The following KCTD20 variants were observed in gnomAD, a reference collection of about 807,000 sequenced individuals.
KCTD20 encodes the protein potassium channel tetramerization domain containing 20.
KCTD20 carries 30 observed loss-of-function variants against 39.6 expected under a neutral mutation model. The ratio of observed to expected loss-of-function variants is 0.76; its 90% CI spans 0.57 to 1.03. KCTD20 has a LOEUF of 1.03. KCTD20 is among the 50% of genes least tolerant of loss of function. KCTD20 has a pLI of 0.00. For synonymous variants in KCTD20, 162 were observed against 180.6 expected (o/e 0.90, Z 0.83); for missense variants, 422 against 522.0 (o/e 0.81, Z 1.87).
rs781415754 is a variant in KCTD20 at position 36,481,652 on chromosome 6, G to GT, written c.750dup (p.Ala251CysfsTer16). 2 of 1,614,196 alleles carry GT rather than the reference G, an allele frequency of 1.2e-6. No homozygotes were observed. The highest frequency in any genetic ancestry group is 2.2e-5 in the South Asian group (2 of 91,086). ...CTCATCTTGCCCATCATGGTGGGCT[G>GT]TGCCAAGAAAGGAGAACGAGAGTGC... On this transcript the variant is annotated frameshift_variant, in exon 6 of 8. Coordinates refer to ENST00000373731, the MANE Select transcript of KCTD20 (RefSeq NM_173562.5). LOFTEE classifies it high-confidence loss of function.
intron 1 of KCTD20, among the ~76,000 whole-genome samples, chr6:36,444,612 C>T (rs975858836): frequency 3.3e-5 from 5 of 152,184 alleles, no homozygotes; most frequent in African/African-American, 9.7e-5. Context: ...GTCATATTAT[C>T]TGGTATGTAG....
Position 36,479,694 on chromosome 6 carries a change from T to C in KCTD20, c.641T>C (p.Ile214Thr). Residue 214 changes from isoleucine to threonine, a missense_variant, in exon 5 of 8, where the codon ATC (isoleucine) becomes ACC (threonine). Physicochemically the swap from Ile to Thr is moderately conservative, Grantham distance 89 (BLOSUM62 -1). Coordinates refer to ENST00000373731, the MANE Select transcript of KCTD20 (RefSeq NM_173562.5). ...TGCATTAATTTTGACTTCAACACTA[T>C]CCGATGTCAAGATCTGAGTAAGTAC... Reference protein sequence around the residue: ...YLCINFDFNTIRCQDLSALLH... With the variant: ...YLCINFDFNTTRCQDLSALLH... The C allele has an allele frequency of 6.2e-7, 1 of 1,607,274 alleles. No individual in the cohort carries two copies. Among genetic ancestry groups the C allele is most frequent in the Non-Finnish European group, 8.5e-7 (1 of 1,177,614 alleles).
In KCTD20 at chr6:36,489,630, C is replaced by G. The variant is rs965985538; in HGVS notation, c.*2455C>G. On this transcript the variant is annotated 3_prime_UTR_variant, in exon 8 of 8. Coordinates refer to ENST00000373731, the MANE Select transcript of KCTD20 (RefSeq NM_173562.5). Reference sequence around the variant, plus strand: ...CTGCAAAAGCAGGACCTCACAGAAACAAGGGCTGGGTTGAGGTCACCCCCT... The same window carrying G: ...CTGCAAAAGCAGGACCTCACAGAAAGAAGGGCTGGGTTGAGGTCACCCCCT... 6 of 152,246 alleles carry G rather than the reference C, an allele frequency of 3.9e-5. No individual in the cohort carries two copies. The highest frequency in any genetic ancestry group is 2.6e-4 in the Admixed American group (4 of 15,284). 9.4% of individuals were successfully genotyped at this position (152,246 alleles called of 1,614,324 possible).
At chr6:36,461,885 G>C (rs985217408) in intron 1 of KCTD20, among the ~76,000 whole-genome samples, 5 of 152,182 alleles carry the variant, frequency 3.3e-5, no homozygotes, top group African/African-American at 1.2e-4. Context: ...AAGGAGGAAG[G>C]AAAAGGGAAG....
chr6:36,479,778 G>C (rs1332891530), intron 5 of KCTD20, 67 bp downstream of exon 5: 1 of 385,680 alleles, frequency 2.6e-6, no homozygotes, highest in Admixed American at 5.7e-5. Context: ...GGAAGTCACC[G>C]ATTTTTTTTT....
At chr6:36,477,154 T>C (rs1489742698) in intron 3 of KCTD20, among the ~76,000 whole-genome samples, 1 of 152,200 alleles carries the variant, frequency 6.6e-6, no homozygotes, top group African/African-American at 2.4e-5. Context: ...CCTATGATTA[T>C]ATACAGTACT....
At position 36,469,311 on chromosome 6, in the gene KCTD20, A is replaced by G. The variant is rs1033240222; in HGVS notation, c.-46-741A>G. 2.6e-5 allele frequency among the ~76,000 whole-genome samples: 4 copies of G among 152,150 alleles called. No homozygotes were observed. The highest frequency in any genetic ancestry group is 9.7e-5 in the African/African-American group (4 of 41,424). ...TTGCAGGGCGTGATTAACCAGCAGA[A>G]AGTTATGAGGCCCCCTGTGTGGCTG... On this transcript the variant is annotated intron_variant, in intron 1 of 7. Coordinates refer to ENST00000373731, the MANE Select transcript of KCTD20 (RefSeq NM_173562.5). The surrounding 1 kb of genome is among the most constrained non-coding windows in gnomAD (Gnocchi z 4.6).
rs182112035 is a variant in KCTD20 at position 36,452,034 on chromosome 6, C to T, written c.-47+8923C>T. On this transcript the variant is annotated intron_variant, in intron 1 of 7. Transcript: ENST00000373731. ...CCATGTTGACCGGGCTGGTCTCAAA[C>T]TCCTGACTTCAAGTGATCTGCCCAC... Among the ~76,000 whole-genome samples the T allele has an allele frequency of 4.2e-3, 632 of 152,288 alleles. 4 individuals carry two copies. The highest frequency in any genetic ancestry group is 0.014 in the African/African-American group (589 of 41,560).
intron 1 of KCTD20, among the ~76,000 whole-genome samples, chr6:36,461,135 A>G (rs1394150625): frequency 6.6e-6 from 1 of 152,202 alleles, no homozygotes; most frequent in African/African-American, 2.4e-5. Context: ...AATCCAGCAG[A>G]TTAATTTGTG....
intron 6 of KCTD20, among the ~76,000 whole-genome samples, chr6:36,483,941 T>TC (rs1250845553): frequency 1.4e-5 from 2 of 144,256 alleles, no homozygotes; most frequent in Non-Finnish European, 3.0e-5. Flanking sequence ...GAGGCTGAAT[T>TC]TTTTTTTTTT....
intron 1 of KCTD20, among the ~76,000 whole-genome samples, chr6:36,468,152 A>G (rs1326509804): frequency 6.6e-6 from 1 of 152,222 alleles, no homozygotes; most frequent in African/African-American, 2.4e-5. Context: ...AATTAAATGC[A>G]AATACCTGTT....
At chr6:36,471,150 C>CA (rs57194798) in intron 2 of KCTD20, among the ~76,000 whole-genome samples, 62,386 of 138,146 alleles carry the variant, frequency 0.45, 14,192 homozygotes, top group Middle Eastern at 0.55. Context: ...GACTGTGTCT[C>CA]AAAAAAAAAA....
chr6:36,465,392 T>G (rs998294629), intron 1 of KCTD20, among the ~76,000 whole-genome samples: 12 of 151,408 alleles, frequency 7.9e-5, no homozygotes, highest in Admixed American at 2.6e-4. Flanking sequence ...TTTTTGTTTT[T>G]TTTTTTTTTA....
At chr6:36,449,378 C>G (rs1399069693) in intron 1 of KCTD20, among the ~76,000 whole-genome samples, 1 of 151,640 alleles carries the variant, frequency 6.6e-6, no homozygotes, top group Admixed American at 6.6e-5. Flanking sequence ...TTTAGCTAGA[C>G]ACAGAGCGCT....
intron 1 of KCTD20, among the ~76,000 whole-genome samples, chr6:36,455,594 AGT>A (rs71737281): frequency 0.6 from 90,721 of 150,340 alleles, 28,387 homozygotes; most frequent in Non-Finnish European, 0.7. Context: ...TAGAACCAGT[AGT>A]GTGTGTGTGT....
At chr6:36,452,986 T>C (rs1775308422) in intron 1 of KCTD20, among the ~76,000 whole-genome samples, 1 of 150,358 alleles carries the variant, frequency 6.7e-6, no homozygotes, top group South Asian at 2.1e-4. Flanking sequence ...TTAGGGCTTA[T>C]CAGTTTTCTT....
At chr6:36,449,253 CGCTGATTGGTGCGTTTTTACGGAGT>C (rs1329831192) in intron 1 of KCTD20, among the ~76,000 whole-genome samples, 4 of 152,000 alleles carry the variant, frequency 2.6e-5, no homozygotes, top group African/African-American at 9.7e-5. Context: ...AGACACAGAG[CGCTGATTGGTGCGTTTTTACGGAGT>C]GCTGATTGGT....
chr6:36,481,625 A>G lies in KCTD20; in HGVS notation c.722A>G (p.Glu241Gly). 6 of 1,614,188 alleles carry G rather than the reference A, an allele frequency of 3.7e-6. No individual in the cohort carries two copies. The highest frequency in any genetic ancestry group is 5.1e-6 in the Non-Finnish European group (6 of 1,180,030). ...AAGCAGTTTGATCACTACCTCGAAGAGCTCATCTTGCCCATCATGGTGGGC... is the reference window on the plus strand; with the variant it reads ...AAGCAGTTTGATCACTACCTCGAAGGGCTCATCTTGCCCATCATGGTGGGC... ...AHKQFDHYLEELILPIMVGCA... is the reference protein window; with the variant it reads ...AHKQFDHYLEGLILPIMVGCA... Residue 241 changes from glutamate to glycine, a missense_variant, in exon 6 of 8, where the codon GAG becomes GGG. Glu to Gly is a moderately conservative substitution (Grantham distance 98, BLOSUM62 -2). Coordinates refer to ENST00000373731, the MANE Select transcript of KCTD20 (RefSeq NM_173562.5).
intron 1 of KCTD20, among the ~76,000 whole-genome samples, chr6:36,453,693 AGT>A (rs1386160873): frequency 4.0e-5 from 6 of 151,736 alleles, no homozygotes; most frequent in Admixed American, 1.3e-4. Context: ...TTGTATTTTT[AGT>A]AGAGACGTTT....
Sources: allele counts gnomAD v4.1 joint callset (sites outside exome capture counted in the v4.1 genomes callset), GRCh38; gene constraint gnomAD v4.1.1; non-coding constraint Gnocchi (gnomAD v3.1); transcripts MANE v1.5; gene names NCBI Gene and HGNC (gene_info 2026-07-23, HGNC 2026-07-21).